Variants in METTL8 observed in about 807,000 individuals in gnomAD.
METTL8 encodes tRNA N(3)-cytidine methyltransferase METTL8, mitochondrial.
A neutral mutation model predicts 48.7 loss-of-function variants in METTL8; 32 were observed. The ratio of observed to expected loss-of-function variants is 0.66; its 90% CI spans 0.50 to 0.88. The LOEUF is 0.88. Among genes scored for constraint, METTL8 ranks in the 40% least tolerant of loss-of-function variants. METTL8 has a pLI of 0.00. For synonymous variants in METTL8, 136 were observed against 157.1 expected (o/e 0.87, Z 1.01); for missense variants, 464 against 474.4 (o/e 0.98, Z 0.20).
intron 1 of METTL8, among the ~76,000 whole-genome samples, chr2:171,418,710 T>C (rs1259016155): frequency 3.9e-5 from 6 of 151,960 alleles, no homozygotes; most frequent in Admixed American, 3.3e-4. Context: ...TCCCAGCACT[T>C]TGGGAGGCCG....
chr2:171,393,669 A>C (rs573428691), intron 1 of METTL8, among the ~76,000 whole-genome samples: 1 of 152,294 alleles, frequency 6.6e-6, no homozygotes, highest in South Asian at 2.1e-4. Flanking sequence ...ATTCAGCCTA[A>C]TGCTGTCAGC....
intron 5 of METTL8, among the ~76,000 whole-genome samples, chr2:171,336,390 C>G (rs995506783): frequency 7.0e-6 from 1 of 143,404 alleles, no homozygotes; most frequent in Non-Finnish European, 1.5e-5. Flanking sequence ...CCACCACGCC[C>G]GACTGCTTTT....
intron 9 of METTL8, among the ~76,000 whole-genome samples, chr2:171,324,575 G>C (rs1445428310): frequency 6.6e-6 from 1 of 152,152 alleles, no homozygotes; most frequent in Non-Finnish European, 1.5e-5. Context: ...CCTGTTTACA[G>C]ACTAACACGG....
chr2:171,351,889 T>A (rs1442571193), intron 3 of METTL8, among the ~76,000 whole-genome samples: 1 of 152,244 alleles, frequency 6.6e-6, no homozygotes, highest in Non-Finnish European at 1.5e-5. Flanking sequence ...TTTCTAAATA[T>A]ACAATCATGT....
chr2:171,363,526 G>T (rs1573984721), intron 2 of METTL8, among the ~76,000 whole-genome samples: 2 of 151,872 alleles, frequency 1.3e-5, no homozygotes, highest in South Asian at 4.1e-4. Context: ...CCAATAAATT[G>T]TACTTCTGGG....
At chr2:171,400,373 T>C (rs1689525801) in intron 1 of METTL8, among the ~76,000 whole-genome samples, 1 of 152,190 alleles carries the variant, frequency 6.6e-6, no homozygotes, top group African/African-American at 2.4e-5. Context: ...ACAAGAAGGA[T>C]CATGTTACTG....
chr2:171,339,151 T>C, intron 4 of METTL8, 33 bp downstream of exon 4: 1 of 1,418,912 alleles, frequency 7.0e-7, no homozygotes, highest in Non-Finnish European at 9.3e-7. Flanking sequence ...AAATTATTTG[T>C]CACCTCCCAT....
In METTL8 at chr2:171,356,952, A is replaced by ATGTTTTTTTTTTTTTTTTTTTT; in HGVS notation, c.235+3469_235+3470insAAAAAAAAAAAAAAAAAAAACA. ...CAAATTAGCCTTGTTCAAAGACAAT[A>ATGTTTTTTTTTTTTTTTTTTTT]TTTTTTTTTTTTTTTTTGAGACAGG... On this transcript the variant is annotated intron_variant, in intron 3 of 9. Transcript: ENST00000375258. Among the ~76,000 whole-genome samples, 57 of 78,486 alleles carry ATGTTTTTTTTTTTTTTTTTTTT rather than the reference A, an allele frequency of 7.3e-4. 21 individuals are homozygous for ATGTTTTTTTTTTTTTTTTTTTT. The highest frequency in any genetic ancestry group is 2.6e-3 in the East Asian group (6 of 2,320). The allele number at this position is 78,486 out of a possible 152,430, so 51.5% of individuals were successfully genotyped here. A position where few individuals can be genotyped will look rare whatever the true frequency, so the allele number is the denominator to read the frequency against.
At chr2:171,422,949 C>T (rs1386450771) in intron 1 of METTL8, among the ~76,000 whole-genome samples, 2 of 152,178 alleles carry the variant, frequency 1.3e-5, no homozygotes, top group Non-Finnish European at 2.9e-5. Flanking sequence ...AACCAAATCA[C>T]ATCTTGAATT....
In METTL8 at chr2:171,326,077, C is replaced by T. The variant is rs1363017215; in HGVS notation, c.932G>A (p.Gly311Glu). Reference sequence around the variant, plus strand: ...ACGAAGCTGAGTCTTATCATATCTTCCATAGTCTCGAAATAACAGCATTCC... The same window carrying T: ...ACGAAGCTGAGTCTTATCATATCTTTCATAGTCTCGAAATAACAGCATTCC... ...PGGMLLFRDY[G>E]RYDKTQLRFK... Residue 311 changes from glycine (G) to glutamate (E), a missense_variant, in exon 8 of 10, where the codon GGA (glycine) becomes GAA (glutamate). Physicochemically the swap from Gly to Glu is moderately conservative, Grantham distance 98. Transcript: ENST00000375258. 14 of 1,548,872 alleles carry T rather than the reference C, an allele frequency of 9.0e-6. No individual in the cohort carries two copies. Among genetic ancestry groups the T allele is most frequent in the East Asian group, 2.4e-5 (1 of 40,854 alleles).
At chr2:171,429,109 G>T (rs1692710781) in intron 1 of METTL8, among the ~76,000 whole-genome samples, 2 of 149,720 alleles carry the variant, frequency 1.3e-5, no homozygotes, top group African/African-American at 5.0e-5. Flanking sequence ...TTTTCAATTT[G>T]ATAAAAATCT....
chr2:171,431,215 C>T (rs1692979131), intron 1 of METTL8, among the ~76,000 whole-genome samples: 1 of 152,008 alleles, frequency 6.6e-6, no homozygotes, highest in Non-Finnish European at 1.5e-5. Flanking sequence ...CCTAAACATG[C>T]CCACAATAGA....
chr2:171,403,689 C>T (rs1047484083), intron 1 of METTL8, among the ~76,000 whole-genome samples: 4 of 151,934 alleles, frequency 2.6e-5, no homozygotes, highest in Admixed American at 1.3e-4. Context: ...TGGAACCTCT[C>T]TATACTAACT....
intron 1 of METTL8, chr2:171,433,087 G>A (rs78683074): frequency 0.031 from 4,752 of 152,278 alleles, 82 homozygotes; most frequent in East Asian, 0.051. Flanking sequence ...CAGGGTGCAA[G>A]GTGGGAACCA....
At chr2:171,337,938 A>G (rs1373987649) in intron 4 of METTL8, among the ~76,000 whole-genome samples, 6 of 152,212 alleles carry the variant, frequency 3.9e-5, no homozygotes, top group African/African-American at 1.4e-4. Flanking sequence ...TTTGTCTAAC[A>G]AAGTGGAAAA....
At chr2:171,368,758 C>T (rs1685979118) in intron 2 of METTL8, among the ~76,000 whole-genome samples, 1 of 152,020 alleles carries the variant, frequency 6.6e-6, no homozygotes, top group African/African-American at 2.4e-5. Flanking sequence ...AATATAGAGC[C>T]AGGCCCTGTG....
intron 2 of METTL8, among the ~76,000 whole-genome samples, chr2:171,374,066 T>G (rs186788315): frequency 5.9e-5 from 9 of 152,364 alleles, no homozygotes; most frequent in Admixed American, 4.6e-4. Flanking sequence ...TAAATTACCT[T>G]GAGCAGTATG....
At position 171,393,289 on chromosome 2, in the gene METTL8, C is replaced by T. The variant is rs530424378; in HGVS notation, c.-12-1092G>A. On this transcript the variant is annotated intron_variant, in intron 1 of 9. Coordinates refer to ENST00000375258, the MANE Select transcript of METTL8 (RefSeq NM_001321154.2). ...AAAAAAAATTAGGGGTGATGGTGCA[C>T]ATCTGTGGTTCCAGCTACACGAGAG... Among the ~76,000 whole-genome samples the T allele has an allele frequency of 9.9e-5, 15 of 150,798 alleles. No individual in the cohort carries two copies. In the South Asian group the frequency reaches 3.1e-3, roughly 32 times the overall value.
At chr2:171,433,480 G>C (rs1693374798) in intron 1 of METTL8, among the ~76,000 whole-genome samples, 3 of 152,182 alleles carry the variant, frequency 2.0e-5, no homozygotes, top group Non-Finnish European at 1.5e-5. Context: ...AAGGGACTTA[G>C]AGCATGGCGG....
Sources: allele counts gnomAD v4.1 joint callset (sites outside exome capture counted in the v4.1 genomes callset), GRCh38; gene constraint gnomAD v4.1.1; transcripts MANE v1.5; gene names NCBI Gene and HGNC (gene_info 2026-07-23, HGNC 2026-07-21).